KIAA1217: variants seen among roughly 807,000 people sequenced by gnomAD.
The protein encoded by KIAA1217 is KIAA1217, also known as sickle tail protein homolog.
In KIAA1217, 88 loss-of-function variants were observed where a neutral mutation model predicts 163.9. The observed-to-expected ratio is 0.54, with a 90% confidence interval of 0.45 to 0.64. The LOEUF (loss-of-function observed/expected upper bound fraction) is 0.64. Among genes scored for constraint, KIAA1217 ranks in the 30% least tolerant of loss-of-function variants. The probability of loss-of-function intolerance (pLI) is 0.00; values close to 1 mark genes in which losing one functional copy is unlikely to be tolerated. For missense variants in KIAA1217, 2,372 were observed against 2,475.0 expected, an observed-to-expected ratio of 0.96 and a Z score of 0.88; for synonymous variants, 903 against 923.1, an observed-to-expected ratio of 0.98 and a Z score of 0.39.
At chr10:24,507,072 T>C (rs2068467206) in intron 9 of KIAA1217, among the ~76,000 whole-genome samples, 1 of 152,122 alleles carries the variant, frequency 6.6e-6, no homozygotes, top group Non-Finnish European at 1.5e-5. Flanking sequence ...CCTGGGCATT[T>C]TGTAGAGATC....
intron 1 of KIAA1217, among the ~76,000 whole-genome samples, chr10:23,713,584 TAGTC>T (rs765770598): frequency 5.0e-4 from 76 of 152,156 alleles, no homozygotes; most frequent in South Asian, 1.7e-3. Flanking sequence ...TGCTCTAAAA[TAGTC>T]AGTTTCTAAG....
At chr10:23,862,720 G>T (rs895779850) in intron 1 of KIAA1217, among the ~76,000 whole-genome samples, 1 of 151,958 alleles carries the variant, frequency 6.6e-6, no homozygotes, top group Non-Finnish European at 1.5e-5. Context: ...AAAATGGTAG[G>T]CAGGGGGCAG....
intron 1 of KIAA1217, among the ~76,000 whole-genome samples, chr10:23,716,256 A>G (rs1216037444): frequency 1.3e-5 from 2 of 152,178 alleles, no homozygotes. Flanking sequence ...AGCTTTATTT[A>G]AATCTATCTA....
intron 2 of KIAA1217, among the ~76,000 whole-genome samples, chr10:24,020,657 G>A (rs1847693558): frequency 6.6e-6 from 1 of 152,010 alleles, no homozygotes; most frequent in Non-Finnish European, 1.5e-5. Flanking sequence ...ATCGCTTGAG[G>A]TGTTTGAGTA....
intron 2 of KIAA1217, among the ~76,000 whole-genome samples, chr10:24,362,302 T>C (rs532665817): frequency 6.6e-5 from 10 of 152,178 alleles, no homozygotes; most frequent in Non-Finnish European, 1.5e-4. Flanking sequence ...CAGAAGACAG[T>C]AGGCTTTCAG....
intron 1 of KIAA1217, among the ~76,000 whole-genome samples, chr10:23,887,814 A>T (rs1272953081): frequency 1.3e-5 from 2 of 151,914 alleles, no homozygotes; most frequent in Non-Finnish European, 2.9e-5. Flanking sequence ...CCACCCCCAG[A>T]GAACCTGAAA....
chr10:23,886,408 T>C (rs956577167), intron 1 of KIAA1217, among the ~76,000 whole-genome samples: 3 of 151,976 alleles, frequency 2.0e-5, no homozygotes, highest in African/African-American at 7.2e-5. Flanking sequence ...CAAAACAGTT[T>C]CTGAAAGACA....
At chr10:23,700,309 C>T (rs1286607287) in intron 1 of KIAA1217, among the ~76,000 whole-genome samples, 1 of 152,100 alleles carries the variant, frequency 6.6e-6, no homozygotes, top group Non-Finnish European at 1.5e-5. Context: ...ACATCCCTTC[C>T]TGGCAGCCGA....
chr10:24,275,370 C>T (rs1279069008), intron 2 of KIAA1217, among the ~76,000 whole-genome samples: 1 of 152,132 alleles, frequency 6.6e-6, no homozygotes, highest in Non-Finnish European at 1.5e-5. Flanking sequence ...AAATGCGAAA[C>T]TTGTGGCACT....
At chr10:24,128,581 T>G (rs915310906) in intron 2 of KIAA1217, among the ~76,000 whole-genome samples, 1 of 152,186 alleles carries the variant, frequency 6.6e-6, no homozygotes, top group African/African-American at 2.4e-5. Context: ...TGGGGACTCA[T>G]TCATCCATGT....
chr10:23,990,388 C>T (rs896953986), intron 1 of KIAA1217, among the ~76,000 whole-genome samples: 35 of 152,090 alleles, frequency 2.3e-4, no homozygotes, highest in African/African-American at 8.0e-4. Context: ...CCTCAAAAAT[C>T]ATTTTTGTCT....
At chr10:24,539,520 C>T (rs900178870) in intron 17 of KIAA1217, among the ~76,000 whole-genome samples, 16 of 152,108 alleles carry the variant, frequency 1.1e-4, no homozygotes, top group South Asian at 4.2e-4. Context: ...CGTGAGCCAC[C>T]GTGCATTTCT....
At chr10:24,537,516 G>T (rs1205029253) in intron 17 of KIAA1217, among the ~76,000 whole-genome samples, 2 of 151,680 alleles carry the variant, frequency 1.3e-5, no homozygotes, top group Non-Finnish European at 2.9e-5. Flanking sequence ...GGTGGAGGTT[G>T]CAGTGAGCCG....
chr10:24,460,199 T>C (rs2062241378), intron 5 of KIAA1217, among the ~76,000 whole-genome samples: 1 of 152,220 alleles, frequency 6.6e-6, no homozygotes, highest in South Asian at 2.1e-4. Flanking sequence ...TGGAACCTCT[T>C]ACATTTTTTC....
Position 23,751,032 on chromosome 10 carries a change from T to G in KIAA1217, c.-321+55798T>G, listed in dbSNP as rs557047517. Among the ~76,000 whole-genome samples the G allele has an allele frequency of 3.2e-3, 474 of 150,418 alleles. 1 individual carries two copies. Among genetic ancestry groups the G allele is most frequent in the African/African-American group, 0.011 (451 of 40,996 alleles). On this transcript the variant is annotated intron_variant, in intron 1 of 18. Coordinates refer to the KIAA1217 transcript ENST00000376462. ...TTTTTTTTTTGTTTGTTTGTTTTGG[T>G]TTTTGTTTTTTTGGATACAGAGCCT... is the stretch of plus-strand genomic sequence containing the variant.
At chr10:23,854,991 A>T (rs1183458856) in intron 1 of KIAA1217, among the ~76,000 whole-genome samples, 3 of 152,172 alleles carry the variant, frequency 2.0e-5, no homozygotes, top group Non-Finnish European at 4.4e-5. Flanking sequence ...GTGTCTTTTA[A>T]TTGGAGCATT....
intron 1 of KIAA1217, among the ~76,000 whole-genome samples, chr10:23,702,151 C>G (rs1836497522): frequency 6.6e-6 from 1 of 152,050 alleles, no homozygotes; most frequent in Non-Finnish European, 1.5e-5. Flanking sequence ...CCTTAAAGTG[C>G]AGCATATCTA....
intron 5 of KIAA1217, among the ~76,000 whole-genome samples, chr10:24,443,562 A>G (rs991868281): frequency 6.6e-6 from 1 of 152,110 alleles, no homozygotes; most frequent in Admixed American, 6.6e-5. Context: ...CAGTCATGAA[A>G]AAAAAGTGGG....
chr10:24,129,502 A>G (rs1050823362), intron 2 of KIAA1217, among the ~76,000 whole-genome samples: 6 of 152,186 alleles, frequency 3.9e-5, no homozygotes, highest in African/African-American at 1.4e-4. Flanking sequence ...AATAATTCAA[A>G]TGTCTTTAAA....
Sources: allele counts gnomAD v4.1 joint callset (sites outside exome capture counted in the v4.1 genomes callset), GRCh38; gene constraint gnomAD v4.1.1; transcripts MANE v1.5; gene names NCBI Gene and HGNC (gene_info 2026-07-23, HGNC 2026-07-21).